FAM135B: variants seen among roughly 807,000 people sequenced by gnomAD.
FAM135B encodes the protein family with sequence similarity 135 member B.
Under a neutral mutation model 127.7 loss-of-function variants are expected in FAM135B, and 43 were observed. That is an observed-to-expected ratio of 0.34 (90% CI 0.26 to 0.43). The LOEUF is 0.43. Ranked by LOEUF, FAM135B falls within the 20% of genes least tolerant of loss-of-function variation. FAM135B has a pLI of 1.00. For synonymous variants in FAM135B, 670 were observed against 665.1 expected, an observed-to-expected ratio of 1.01 and a Z score of -0.11; for missense variants, 1,558 against 1,725.6, an observed-to-expected ratio of 0.90 and a Z score of 1.72.
chr8:138,390,997 T>G (rs1246623973), intron 1 of FAM135B, among the ~76,000 whole-genome samples: 1 of 152,094 alleles, frequency 6.6e-6, no homozygotes, highest in Non-Finnish European at 1.5e-5. Flanking sequence ...AGAGGATGAA[T>G]CGTCCAGGAA....
At chr8:138,396,893 C>T (rs1282898200) in intron 1 of FAM135B, among the ~76,000 whole-genome samples, 2 of 152,170 alleles carry the variant, frequency 1.3e-5, no homozygotes, top group African/African-American at 2.4e-5. Context: ...GACACACGTG[C>T]CCCTAATTAT....
At chr8:138,441,721 C>T (rs1007025003) in intron 1 of FAM135B, 1 of 151,306 alleles carries the variant, frequency 6.6e-6, no homozygotes, top group Non-Finnish European at 1.5e-5. Flanking sequence ...TATAGCTTCT[C>T]TGCTTTTTTT....
chr8:138,183,490 G>C (rs758147718), intron 9 of FAM135B, among the ~76,000 whole-genome samples: 1 of 152,150 alleles, frequency 6.6e-6, no homozygotes, highest in South Asian at 2.1e-4. Flanking sequence ...TCACAGGTCT[G>C]CTCAACTCGC....
intron 7 of FAM135B, among the ~76,000 whole-genome samples, chr8:138,206,185 GCATCCCCTTCACTACCCACAGCTCTCT>G (rs1212942083): frequency 1.4e-4 from 19 of 137,738 alleles, no homozygotes; most frequent in African/African-American, 4.1e-4. Context: ...CAAGGCTCCA[GCATCCCCTTCACTACCCACAGCTCTCT>G]CATCCCCTCC....
At chr8:138,415,158 A>G (rs1834067390) in intron 1 of FAM135B, among the ~76,000 whole-genome samples, 1 of 152,350 alleles carries the variant, frequency 6.6e-6, no homozygotes, top group Admixed American at 6.5e-5. Flanking sequence ...ACTTGGTTTC[A>G]ACCTCACAGA....
chr8:138,164,540 A>G (rs534542404), intron 12 of FAM135B, among the ~76,000 whole-genome samples: 8 of 152,324 alleles, frequency 5.3e-5, no homozygotes, highest in African/African-American at 1.9e-4. Flanking sequence ...CTCCCATTCT[A>G]TTCAAAGCTA....
chr8:138,222,304 C>A (rs1819083998), intron 7 of FAM135B, among the ~76,000 whole-genome samples: 1 of 152,100 alleles, frequency 6.6e-6, no homozygotes, highest in African/African-American at 2.4e-5. Context: ...ATGGCAATCG[C>A]CTGCCCACTG....
chr8:138,214,185 T>A (rs1046491207), intron 7 of FAM135B, among the ~76,000 whole-genome samples: 9 of 152,114 alleles, frequency 5.9e-5, no homozygotes, highest in Admixed American at 5.9e-4. Context: ...TGAGAGTCTA[T>A]CTCCTCTTGG....
At chr8:138,233,769 C>T (rs968758372) in intron 7 of FAM135B, among the ~76,000 whole-genome samples, 1 of 152,030 alleles carries the variant, frequency 6.6e-6, no homozygotes, top group Non-Finnish European at 1.5e-5. Context: ...ACCACATATC[C>T]AATAAGGGGT....
At chr8:138,207,763 G>A (rs535249605) in intron 7 of FAM135B, among the ~76,000 whole-genome samples, 2 of 152,274 alleles carry the variant, frequency 1.3e-5, no homozygotes, top group Admixed American at 1.3e-4. Flanking sequence ...TTGGGCAAAT[G>A]TTGAGTTTTG....
At chr8:138,231,333 T>A (rs902794246) in intron 7 of FAM135B, among the ~76,000 whole-genome samples, 3 of 152,184 alleles carry the variant, frequency 2.0e-5, no homozygotes, top group African/African-American at 4.8e-5. Context: ...AAGACTTTTT[T>A]AAATAGCTAA....
intron 7 of FAM135B, among the ~76,000 whole-genome samples, chr8:138,201,602 G>A (rs559278828): frequency 2.6e-5 from 4 of 152,240 alleles, no homozygotes; most frequent in African/African-American, 7.2e-5. Flanking sequence ...CAGAGTGGAC[G>A]GGCCAGTGTG....
chr8:138,405,327 G>A (rs1223389643), intron 1 of FAM135B, among the ~76,000 whole-genome samples: 4 of 149,138 alleles, frequency 2.7e-5, no homozygotes, highest in South Asian at 2.1e-4. Context: ...CCATTAACTC[G>A]TCATTTAGCA....
chr8:138,339,384 T>TATATATATATATATA (rs1563915402), intron 2 of FAM135B, among the ~76,000 whole-genome samples: 6 of 146,538 alleles, frequency 4.1e-5, no homozygotes, highest in African/African-American at 1.0e-4. Flanking sequence ...TATATATATA[T>TATATATATATATATA]TTTAAAATCT....
intron 3 of FAM135B, 27 bp downstream of exon 3, chr8:138,310,814 G>A (rs1443884418): frequency 1.2e-6 from 2 of 1,601,304 alleles, no homozygotes; most frequent in East Asian, 2.2e-5. Flanking sequence ...TTGGGGGCAA[G>A]TGCCCCATTG....
intron 3 of FAM135B, among the ~76,000 whole-genome samples, chr8:138,274,507 T>G (rs1321563389): frequency 6.6e-6 from 1 of 152,058 alleles, no homozygotes; most frequent in Non-Finnish European, 1.5e-5. Flanking sequence ...GCTAATGAAG[T>G]TTCAGGCACC....
chr8:138,229,336 A>G (rs1388124842), intron 7 of FAM135B, among the ~76,000 whole-genome samples: 1 of 152,122 alleles, frequency 6.6e-6, no homozygotes, highest in Non-Finnish European at 1.5e-5. Flanking sequence ...ATCTCCCATT[A>G]AAGCTCACAA....
intron 1 of FAM135B, among the ~76,000 whole-genome samples, chr8:138,453,359 A>G (rs1836599385): frequency 6.6e-6 from 1 of 152,022 alleles, no homozygotes; most frequent in Admixed American, 6.6e-5. Context: ...TATTTATACA[A>G]GAATATTTCC....
At chr8:138,204,549 A>T (rs575833985) in intron 7 of FAM135B, among the ~76,000 whole-genome samples, 1 of 152,364 alleles carries the variant, frequency 6.6e-6, no homozygotes, top group East Asian at 1.9e-4. Context: ...AGGGCACTGC[A>T]ATGGCACGAC....
Sources: gnomAD v4.1 joint callset for allele counts (sites outside exome capture counted in the v4.1 genomes callset) on GRCh38, gnomAD v4.1.1 for gene constraint, MANE v1.5 for transcripts, NCBI Gene and HGNC (gene_info 2026-07-23, HGNC 2026-07-21) for gene names.